The following SLC9B2 variants were observed in gnomAD, a reference collection of about 807,000 sequenced individuals.
SLC9B2 encodes the protein solute carrier family 9 member B2, also known as sodium/hydrogen exchanger 9B2.
Under a neutral mutation model 52.2 loss-of-function variants are expected in SLC9B2, and 39 were observed. The ratio of observed to expected loss-of-function variants is 0.75; its 90% CI spans 0.58 to 0.98. The LOEUF is 0.98. Among genes scored for constraint, SLC9B2 ranks in the 50% least tolerant of loss-of-function variants. The pLI is 0.00. For synonymous variants in SLC9B2, 214 were observed against 227.0 expected (o/e 0.94, Z 0.51); for missense variants, 626 against 637.5 (o/e 0.98, Z 0.19).
intron 6 of SLC9B2, among the ~76,000 whole-genome samples, chr4:103,047,926 A>C (rs1293149312): frequency 6.6e-6 from 1 of 152,178 alleles, no homozygotes; most frequent in Non-Finnish European, 1.5e-5. Flanking sequence ...AGGTTGCCTA[A>C]AAAGATATAT....
At chr4:103,047,320 GACA>G in intron 6 of SLC9B2, 94 bp from the exon 7 acceptor site, 2 of 984,848 alleles carry the variant, frequency 2.0e-6, no homozygotes, top group Non-Finnish European at 2.8e-6. Context: ...GTTATACTTG[GACA>G]ACAACAGTCT....
rs913491066 is a variant in SLC9B2 at position 103,024,148 on chromosome 4, A to C, written c.*2222T>G. On this transcript the variant is annotated 3_prime_UTR_variant, in exon 12 of 12. Transcript: ENST00000394785. ...CATATTGTTTTGCAATGTCTTGTTT[A>C]ACTGTCTGTTTTCTCTATTGGACTG... Among the ~76,000 whole-genome samples, 1 of 152,196 alleles carries C rather than the reference A, an allele frequency of 6.6e-6. No homozygotes were observed. Among genetic ancestry groups the C allele is most frequent in the Non-Finnish European group, 1.5e-5 (1 of 68,042 alleles).
At chr4:103,050,635 T>C (rs929160173) in intron 4 of SLC9B2, among the ~76,000 whole-genome samples, 10 of 152,204 alleles carry the variant, frequency 6.6e-5, no homozygotes, top group African/African-American at 2.4e-4. Flanking sequence ...AGATGCAGCA[T>C]TTGGATAGAG....
intron 10 of SLC9B2, among the ~76,000 whole-genome samples, chr4:103,030,448 A>G (rs888789996): frequency 2.6e-5 from 4 of 152,086 alleles, no homozygotes; most frequent in South Asian, 2.1e-4. Context: ...GGATTTAGCA[A>G]TATTACCTTG....
At chr4:103,057,770 C>A in intron 4 of SLC9B2, 31 bp downstream of exon 4, 1 of 1,582,416 alleles carries the variant, frequency 6.3e-7, no homozygotes, top group Admixed American at 2.0e-5. Flanking sequence ...ATAGTTTACT[C>A]TGGATAGAAC....
intron 9 of SLC9B2, 126 bp downstream of exon 9, chr4:103,043,170 T>A: frequency 1.0e-6 from 1 of 992,370 alleles, no homozygotes; most frequent in Non-Finnish European, 1.4e-6. Flanking sequence ...TACATTTGTA[T>A]ATGCACATTA....
At position 103,025,123 on chromosome 4, in the gene SLC9B2, G is replaced by C. The variant is rs184898576; in HGVS notation, c.*1247C>G. On this transcript the variant is annotated 3_prime_UTR_variant, in exon 12 of 12. Transcript: ENST00000394785. The stretch of plus-strand genomic sequence containing the variant: ...ACTTAGCTGCCTCACAGCCGGATAT[G>C]ATCAATACCAATAAATGTAGGAAAA... Among the ~76,000 whole-genome samples the C allele has an allele frequency of 1.3e-5, 2 of 152,246 alleles. No individual in the cohort carries two copies. The highest frequency in any genetic ancestry group is 1.3e-4 in the Admixed American group (2 of 15,300).
In SLC9B2 at chr4:103,043,334, T is replaced by A. The variant is rs767276626; in HGVS notation, c.1108A>T (p.Met370Leu). 8.1e-6 allele frequency: 13 copies of A among 1,612,702 alleles called. No individual in the cohort carries two copies. Among genetic ancestry groups the A allele is most frequent in the African/African-American group, 1.3e-5 (1 of 74,868 alleles). The change falls in exon 9 of 12, where the codon ATG becomes TTG. Residue 370 changes from methionine to leucine, a missense_variant. Coordinates refer to ENST00000394785, the MANE Select transcript of SLC9B2 (RefSeq NM_178833.7). ...PGSGGLCTLV[M>L]AFLAGMGWTS... ...CATCCCATGCCTGCAAGGAAAGCCA[T>A]GACCAACGTGCACAGTCCTCCTGAT... is the stretch of plus-strand genomic sequence containing the variant.
chr4:103,076,320 GGCTGCGTTGACTGCA>G lies in SLC9B2; in HGVS notation c.-194_-180del, dbSNP rs2110683979. 6.6e-6 allele frequency: 1 copy of G among 152,474 alleles called. No homozygotes were observed. Among genetic ancestry groups the G allele is most frequent in the Admixed American group, 6.5e-5 (1 of 15,312 alleles). The allele number at this position is 152,474 out of a possible 1,614,324, so 9.4% of individuals were successfully genotyped here. A position where few individuals can be genotyped will look rare whatever the true frequency, so the allele number is the denominator to read the frequency against. On this transcript the variant is annotated 5_prime_UTR_variant, in exon 1 of 12. Coordinates refer to ENST00000394785, the MANE Select transcript of SLC9B2 (RefSeq NM_178833.7). ...CGCATCTTCCCAGGCTGAGCCGGGA[GGCTGCGTTGACTGCA>G]GATAAACGGTCTCAGGGCGCGGCAC... is the stretch of plus-strand genomic sequence containing the variant.
At chr4:103,044,353 T>C (rs1743912303) in intron 8 of SLC9B2, among the ~76,000 whole-genome samples, 1 of 152,266 alleles carries the variant, frequency 6.6e-6, no homozygotes. Flanking sequence ...CACGTGTAGC[T>C]AGTGGCTACT....
chr4:103,028,892 A>C lies in SLC9B2; in HGVS notation c.1256-9T>G, dbSNP rs373844555. On this transcript the variant is annotated splice_polypyrimidine_tract_variant and intron_variant, in intron 10 of 11. Coordinates refer to ENST00000394785, the MANE Select transcript of SLC9B2 (RefSeq NM_178833.7). ...GGTGGCAACACAAAGGCCTGTAAGA[A>C]ATATTCAATTTTTAGAAATAATAAA... 1.3e-6 allele frequency: 2 copies of C among 1,522,690 alleles called. No individual in the cohort carries two copies. The highest frequency in any genetic ancestry group is 8.7e-7 in the Non-Finnish European group (1 of 1,144,222). The allele number at this position is 1,522,690 out of a possible 1,614,324, so 94.3% of individuals were successfully genotyped here. A position where few individuals can be genotyped will look rare whatever the true frequency, so the allele number is the denominator to read the frequency against.
intron 9 of SLC9B2, among the ~76,000 whole-genome samples, chr4:103,035,481 T>A (rs1011151165): frequency 6.6e-6 from 1 of 152,214 alleles, no homozygotes. Context: ...TGATTTATAT[T>A]CCTTTGGGTA....
chr4:103,037,781 G>A (rs1743300637), intron 9 of SLC9B2, among the ~76,000 whole-genome samples: 1 of 151,870 alleles, frequency 6.6e-6, no homozygotes, highest in Non-Finnish European at 1.5e-5. Context: ...CCAAAACTAC[G>A]ATCCAGTTAA....
intron 9 of SLC9B2, among the ~76,000 whole-genome samples, chr4:103,036,096 A>G (rs186807060): frequency 1.3e-4 from 20 of 152,324 alleles, no homozygotes; most frequent in African/African-American, 4.6e-4. Flanking sequence ...CTGCACCCCT[A>G]CAATCATCTG....
intron 1 of SLC9B2, among the ~76,000 whole-genome samples, chr4:103,074,556 A>G (rs1470812052): frequency 6.6e-6 from 1 of 152,242 alleles, no homozygotes; most frequent in African/African-American, 2.4e-5. Context: ...AAATTTCTCA[A>G]AAATGTCCAG....
rs1742041056 is a variant in SLC9B2 at position 103,024,509 on chromosome 4, A to G, written c.*1861T>C. Reference sequence around the variant, plus strand: ...ATTAAACTAGTTTTGAATAGAGGTGAAAGCCATGGTGGATAGGGCTCGAAC... The same window carrying G: ...ATTAAACTAGTTTTGAATAGAGGTGGAAGCCATGGTGGATAGGGCTCGAAC... On this transcript the variant is annotated 3_prime_UTR_variant, in exon 12 of 12. Transcript: ENST00000394785. 1.3e-5 allele frequency among the ~76,000 whole-genome samples: 2 copies of G among 152,242 alleles called. No homozygotes were observed. The highest frequency in any genetic ancestry group is 6.5e-5 in the Admixed American group (1 of 15,284).
chr4:103,047,169 C>T lies in SLC9B2; in HGVS notation c.771G>A (p.Gln257=). 6.2e-7 allele frequency: 1 copy of T among 1,613,866 alleles called. No homozygotes were observed. Reference sequence around the variant, plus strand: ...CCTTCTCAACACCATAGCCTCCTCCCTGCAAAAGGAGCATTGAAGGCACCA... The same window carrying T: ...CCTTCTCAACACCATAGCCTCCTCCTTGCAAAAGGAGCATTGAAGGCACCA... ...AVVVPSMLLL[Q]GGGYGVEKGV... Residue 257 remains glutamine (Q), a synonymous_variant, in exon 7 of 12, where the codon CAG becomes CAA. Transcript: ENST00000394785.
rs370215861 is a variant in SLC9B2 at position 103,026,406 on chromosome 4, A to G, written c.1578T>C (p.Asp526=). 6.2e-7 allele frequency: 1 copy of G among 1,613,498 alleles called. No individual in the cohort carries two copies. Residue 526 remains aspartate (D), a synonymous_variant, in exon 12 of 12, where the codon GAT becomes GAC. Coordinates refer to ENST00000394785, the MANE Select transcript of SLC9B2 (RefSeq NM_178833.7). ...LLQKVEHQNK[D]EEVQGETSVQ... ...CAGAAGTCTCTCCTTGAACTTCTTC[A>G]TCTTTATTTTGATGTTCAACTTTCT...
chr4:103,018,382 T>C (rs1014234194), downstream of SLC9B2, among the ~76,000 whole-genome samples: 4 of 152,154 alleles, frequency 2.6e-5, no homozygotes, highest in East Asian at 3.9e-4. Context: ...TAAATCTGTA[T>C]AGAATTTTAA....
Sources: allele counts gnomAD v4.1 joint callset (sites outside exome capture counted in the v4.1 genomes callset), GRCh38; gene constraint gnomAD v4.1.1; transcripts MANE v1.5; gene names NCBI Gene and HGNC (gene_info 2026-07-23, HGNC 2026-07-21).